SP140L: variants seen among roughly 807,000 people sequenced by gnomAD.
The protein encoded by SP140L is SP140 like nuclear body protein, also known as nuclear body protein SP140-like protein.
In SP140L, 64 loss-of-function variants were observed where a neutral mutation model predicts 84.3. That is an observed-to-expected ratio of 0.76 (90% CI 0.62 to 0.94). The LOEUF (loss-of-function observed/expected upper bound fraction) is 0.94. Among genes scored for constraint, SP140L ranks in the 40% least tolerant of loss-of-function variants. The pLI is 0.00. For missense variants in SP140L, 628 were observed against 692.5 expected, an observed-to-expected ratio of 0.91 and a Z score of 1.05; for synonymous variants, 242 against 236.9, an observed-to-expected ratio of 1.02 and a Z score of -0.20.
chr2:230,340,261 CT>C (rs1380912354), intron 2 of SP140L, among the ~76,000 whole-genome samples: 1 of 149,438 alleles, frequency 6.7e-6, no homozygotes, highest in Non-Finnish European at 1.5e-5. Flanking sequence ...TTCTTTGTCT[CT>C]TTTGATCTTT....
At chr2:230,356,186 G>A (rs988291319) in intron 2 of SP140L, among the ~76,000 whole-genome samples, 10 of 152,140 alleles carry the variant, frequency 6.6e-5, no homozygotes, top group Admixed American at 2.0e-4. Context: ...TGCAAAAACA[G>A]TTTGGCAGGT....
At chr2:230,392,020 G>T in intron 11 of SP140L, 67 bp from the exon 12 acceptor site, 1 of 1,599,518 alleles carries the variant, frequency 6.3e-7, no homozygotes, top group Non-Finnish European at 8.5e-7. Flanking sequence ...ATCCAATGTG[G>T]TGAGTGGCCA....
intron 5 of SP140L, among the ~76,000 whole-genome samples, chr2:230,366,610 T>C (rs1357770746): frequency 6.6e-6 from 1 of 151,582 alleles, no homozygotes; most frequent in Admixed American, 6.6e-5. Context: ...ATTTAATCCA[T>C]ACTTAACATA....
At chr2:230,396,613 G>C in intron 13 of SP140L, 144 bp from the exon 14 acceptor site, 1 of 891,836 alleles carries the variant, frequency 1.1e-6, no homozygotes. Flanking sequence ...AGCCACCCCA[G>C]CCTACTGGCC....
intron 2 of SP140L, among the ~76,000 whole-genome samples, chr2:230,345,783 A>G (rs2060191924): frequency 6.6e-6 from 1 of 152,020 alleles, no homozygotes; most frequent in East Asian, 1.9e-4. Flanking sequence ...CCTCCCTCAT[A>G]TTTTAATTGA....
chr2:230,335,686 T>C (rs2059849945), intron 2 of SP140L, among the ~76,000 whole-genome samples: 2 of 152,158 alleles, frequency 1.3e-5, no homozygotes, highest in South Asian at 4.1e-4. Context: ...GTGTGGTAAC[T>C]AATGTCAGAT....
intron 12 of SP140L, 124 bp downstream of exon 12, chr2:230,392,353 C>T: frequency 6.9e-7 from 1 of 1,450,536 alleles, no homozygotes; most frequent in Non-Finnish European, 9.3e-7. Context: ...TGAGTTTATC[C>T]TCTCACTCAG....
chr2:230,356,460 G>A (rs1267203386), intron 2 of SP140L, among the ~76,000 whole-genome samples: 2 of 152,108 alleles, frequency 1.3e-5, no homozygotes, highest in Non-Finnish European at 2.9e-5. Flanking sequence ...TAGATGATAA[G>A]CAAAAGAAGC....
At chr2:230,388,013 A>G (rs1284579358) in intron 9 of SP140L, among the ~76,000 whole-genome samples, 1 of 152,192 alleles carries the variant, frequency 6.6e-6, no homozygotes. Flanking sequence ...TGGAGCACCT[A>G]ATAGGGTTTC....
In SP140L at chr2:230,390,159, C is replaced by T. The variant is rs112888908; in HGVS notation, c.964+136C>T. ...TAGCTTGAGGGAAGGAGGAAGGGAT[C>T]CCTAAGATGACATTTTAAGACTTTA... On this transcript the variant is annotated intron_variant, in intron 11 of 18. Transcript: ENST00000415673. 4.4e-3 allele frequency: 3,213 copies of T among 725,242 alleles called. 84 individuals carry two copies. The African/African-American group carries it at 0.051, about 12-fold the overall frequency. The allele number at this position is 725,242 out of a possible 1,614,324, so 44.9% of individuals were successfully genotyped here.
rs561203644 is a variant in SP140L, at chr2:230,345,244, T to C, written c.108-12561T>C. Among the ~76,000 whole-genome samples, 41 of 152,342 alleles carry C rather than the reference T, an allele frequency of 2.7e-4. No homozygotes were observed. In the South Asian group the frequency reaches 8.1e-3, roughly 30 times the overall value. ...TGATGAATTGGCCCCTTTATCCTTATATATTGACCCTCTTTGTCTTATGTG... is the reference window on the plus strand; with the variant it reads ...TGATGAATTGGCCCCTTTATCCTTACATATTGACCCTCTTTGTCTTATGTG... On this transcript the variant is annotated intron_variant, in intron 2 of 18. Transcript: ENST00000415673.
At chr2:230,388,025 C>T (rs973624412) in intron 9 of SP140L, among the ~76,000 whole-genome samples, 1 of 152,150 alleles carries the variant, frequency 6.6e-6, no homozygotes, top group Non-Finnish European at 1.5e-5. Context: ...TAGGGTTTCC[C>T]TTAACTCACA....
In SP140L at chr2:230,359,236, G is replaced by A. The variant is rs2060641851; in HGVS notation, c.439+104G>A. 4 of 996,226 alleles carry A rather than the reference G, an allele frequency of 4.0e-6. No homozygotes were observed. In the South Asian group the frequency reaches 4.5e-5, roughly 11 times the overall value. 61.7% of individuals were successfully genotyped at this position (996,226 alleles called of 1,614,324 possible). On this transcript the variant is annotated intron_variant, in intron 4 of 18. Coordinates refer to ENST00000415673, the MANE Select transcript of SP140L (RefSeq NM_138402.6). Reference sequence around the variant, plus strand: ...TGCGATACATTGTGTTGGGCAGTGGGCATAGAGTAGTTAACAAAATAGACG... The same window carrying A: ...TGCGATACATTGTGTTGGGCAGTGGACATAGAGTAGTTAACAAAATAGACG...
rs1043213070 is a variant in SP140L at position 230,371,745 on chromosome 2, T to G, written c.637+94T>G. 6.8e-6 allele frequency: 8 copies of G among 1,170,146 alleles called. No homozygotes were observed. The South Asian group carries it at 1.1e-4, about 16-fold the overall frequency. The allele number at this position is 1,170,146 out of a possible 1,614,324, so 72.5% of individuals were successfully genotyped here. A position where few individuals can be genotyped will look rare whatever the true frequency, so the allele number is the denominator to read the frequency against. ...TTGTCATTGTTACTGTTTCTGTTAT[T>G]ATTTGCAATACTGTGGTAGAGAGAA... On this transcript the variant is annotated intron_variant, in intron 7 of 18. Transcript: ENST00000415673.
At chr2:230,402,534 AAG>A (rs1165990808) in intron 18 of SP140L, among the ~76,000 whole-genome samples, 2 of 152,252 alleles carry the variant, frequency 1.3e-5, no homozygotes, top group East Asian at 3.8e-4. Flanking sequence ...CAACATTGTT[AAG>A]AGAGTAAATA....
intron 11 of SP140L, among the ~76,000 whole-genome samples, chr2:230,390,615 T>G (rs547010105): frequency 5.2e-4 from 79 of 152,354 alleles, no homozygotes; most frequent in African/African-American, 1.8e-3. Flanking sequence ...TATAAAACTG[T>G]CAAAAATGTC....
chr2:230,332,606 C>A (rs1575424594), intron 2 of SP140L, among the ~76,000 whole-genome samples: 1 of 152,230 alleles, frequency 6.6e-6, no homozygotes, highest in East Asian at 1.9e-4. Flanking sequence ...ATAACCAAGT[C>A]ATATACTATG....
chr2:230,379,814 A>T (rs1304661267), intron 7 of SP140L, among the ~76,000 whole-genome samples: 1 of 152,220 alleles, frequency 6.6e-6, no homozygotes, highest in Non-Finnish European at 1.5e-5. Context: ...AATAAAAATC[A>T]TTCTTTTATT....
chr2:230,339,504 G>A (rs2059974040), intron 2 of SP140L, among the ~76,000 whole-genome samples: 1 of 149,048 alleles, frequency 6.7e-6, no homozygotes, highest in Admixed American at 6.7e-5. Flanking sequence ...CTTCAGTTCT[G>A]CTCTGATTTT....
Sources: allele counts gnomAD v4.1 joint callset (sites outside exome capture counted in the v4.1 genomes callset), GRCh38; gene constraint gnomAD v4.1.1; transcripts MANE v1.5; gene names NCBI Gene and HGNC (gene_info 2026-07-23, HGNC 2026-07-21).